NBN: variants seen among roughly 807,000 people sequenced by gnomAD.
The protein encoded by NBN is Nijmegen breakage syndrome 1 (nibrin).
NBN carries 88 observed loss-of-function variants against 90.8 expected under a neutral mutation model. The observed-to-expected ratio is 0.97, with a 90% CI of 0.82 to 1.16. The LOEUF is 1.16. NBN is among the 50% of genes most tolerant of loss of function. The probability of loss-of-function intolerance (pLI) is 0.00; values close to 1 mark genes in which losing one functional copy is unlikely to be tolerated. For missense variants in NBN, 894 were observed against 869.6 expected, an observed-to-expected ratio of 1.03 and a Z score of -0.35; for synonymous variants, 328 against 295.1, an observed-to-expected ratio of 1.11 and a Z score of -1.14.
intron 12 of NBN, chr8:89,946,646 G>A: frequency 4.1e-6 from 1 of 244,384 alleles, no homozygotes; most frequent in Non-Finnish European, 8.0e-6. Flanking sequence ...TCTCAGCACT[G>A]TTTGCTTTTC....
rs1426929002 is a variant in NBN, at chr8:89,957,657, A to G, written c.1124+1068T>C. On this transcript the variant is annotated intron_variant, in intron 9 of 15. Transcript: ENST00000265433. ...GGTAAGTGTCTTATACAGGTATACC[A>G]TTTTTTATCTTTTATACAATATTTT... is the stretch of plus-strand genomic sequence containing the variant. Among the ~76,000 whole-genome samples the G allele has an allele frequency of 5.3e-5, 8 of 152,196 alleles. No homozygotes were observed. The East Asian group carries it at 1.5e-3, about 29-fold the overall frequency.
At chr8:89,984,023 T>C (rs1479541430) in intron 1 of NBN, among the ~76,000 whole-genome samples, 1 of 152,196 alleles carries the variant, frequency 6.6e-6, no homozygotes, top group Non-Finnish European at 1.5e-5. Flanking sequence ...AAAAATCGAC[T>C]TTTCCCATTG....
At chr8:89,939,088 T>C (rs1008538325) in intron 14 of NBN, among the ~76,000 whole-genome samples, 3 of 152,196 alleles carry the variant, frequency 2.0e-5, no homozygotes, top group Non-Finnish European at 4.4e-5. Context: ...GTTCAAATAA[T>C]TTTTATGTTT....
chr8:89,959,049 A>C (rs548565846), intron 8 of NBN, among the ~76,000 whole-genome samples, 195 bp from the exon 9 acceptor site: 1 of 152,358 alleles, frequency 6.6e-6, no homozygotes, highest in South Asian at 2.1e-4. Flanking sequence ...TGACGGGCTT[A>C]TCTAAACCAA....
chr8:89,976,644 C>G (rs1481412168), intron 5 of NBN, among the ~76,000 whole-genome samples: 3 of 152,190 alleles, frequency 2.0e-5, no homozygotes, highest in African/African-American at 7.2e-5. Flanking sequence ...GCACCCTCCT[C>G]AGTGTCTGTG....
rs764745963 is a variant in NBN, at chr8:89,984,648, A to C, written c.-87T>G. ...CGCGGATACGGCGCCTGCGGTCGGCATGGGCTCCGGGACGTGCGCGCTCCC... is the reference window on the plus strand; with the variant it reads ...CGCGGATACGGCGCCTGCGGTCGGCCTGGGCTCCGGGACGTGCGCGCTCCC... On this transcript the variant is annotated 5_prime_UTR_variant, in exon 1 of 16. The change abolishes an upstream ATG in the 5' untranslated region. Coordinates refer to ENST00000265433, the MANE Select transcript of NBN (RefSeq NM_002485.5). 102 of 1,576,242 alleles carry C rather than the reference A, an allele frequency of 6.5e-5. No individual in the cohort carries two copies. The South Asian group carries it at 8.4e-4, about 13-fold the overall frequency.
At chr8:89,937,109 C>T in intron 14 of NBN, 34 bp from the exon 15 acceptor site, 1 of 1,598,730 alleles carries the variant, frequency 6.3e-7, no homozygotes, top group Admixed American at 1.7e-5. Flanking sequence ...AACATTTGCT[C>T]AGTGGTGAAT....
intron 15 of NBN, 135 bp from the exon 16 acceptor site, chr8:89,935,747 A>C: frequency 2.0e-6 from 2 of 1,019,936 alleles, no homozygotes; most frequent in Non-Finnish European, 2.9e-6. Context: ...AGGATCAGAT[A>C]CTAAGCACTG....
chr8:89,958,975 G>A, intron 8 of NBN, 121 bp from the exon 9 acceptor site: 1 of 1,318,836 alleles, frequency 7.6e-7, no homozygotes, highest in East Asian at 2.3e-5. Context: ...TACTGCACAT[G>A]GTTTTCTCCA....
At chr8:89,945,690 T>G (rs1179356824) in intron 13 of NBN, among the ~76,000 whole-genome samples, 1 of 152,186 alleles carries the variant, frequency 6.6e-6, no homozygotes, top group Non-Finnish European at 1.5e-5. Context: ...TCAGGTCTGA[T>G]GATCATACTC....
At position 89,935,401 on chromosome 8, in the gene NBN, CAG is replaced by C; in HGVS notation, c.*179_*180del. The C allele has an allele frequency of 1.5e-6, 1 of 664,330 alleles. No individual in the cohort carries two copies. The highest frequency in any genetic ancestry group is 2.0e-5 in the South Asian group (1 of 51,280). The allele number at this position is 664,330 out of a possible 1,614,324, so 41.2% of individuals were successfully genotyped here. A position where few individuals can be genotyped will look rare whatever the true frequency, so the allele number is the denominator to read the frequency against. Reference sequence around the variant, plus strand: ...AAGATGCAATGACAAAGCCTGAAAACAGAACAAACAATTGTTACATACAAAAG... The same window carrying C: ...AAGATGCAATGACAAAGCCTGAAAACAACAAACAATTGTTACATACAAAAG... On this transcript the variant is annotated 3_prime_UTR_variant, in exon 16 of 16. Coordinates refer to ENST00000265433, the MANE Select transcript of NBN (RefSeq NM_002485.5).
chr8:89,971,456 A>G (rs1811516215), intron 5 of NBN, 166 bp from the exon 6 acceptor site: 2 of 460,354 alleles, frequency 4.3e-6, no homozygotes, highest in Non-Finnish European at 5.7e-6. Flanking sequence ...AAAAGCATCT[A>G]ATCGCGTTTT....
chr8:89,933,875 T>C lies in NBN; in HGVS notation c.*1707A>G. On this transcript the variant is annotated 3_prime_UTR_variant, in exon 16 of 16. Transcript: ENST00000265433. ...ATCTAGAATGTATAAAGAATTTCTA[T>C]GACCCAATTATAGCTATCAGGGATA... is the stretch of plus-strand genomic sequence containing the variant. The C allele has an allele frequency of 4.3e-6, 1 of 232,270 alleles. No homozygotes were observed. Among genetic ancestry groups the C allele is most frequent in the Non-Finnish European group, 8.5e-6 (1 of 117,534 alleles). 14.4% of individuals were successfully genotyped at this position (232,270 alleles called of 1,614,324 possible).
At chr8:89,951,910 TGAG>T (rs963485212) in intron 11 of NBN, among the ~76,000 whole-genome samples, 1 of 152,202 alleles carries the variant, frequency 6.6e-6, no homozygotes, top group African/African-American at 2.4e-5. Flanking sequence ...TCTTCTAGAT[TGAG>T]GATAGAGAGT....
intron 7 of NBN, among the ~76,000 whole-genome samples, chr8:89,965,268 C>T (rs1018844215): frequency 6.6e-6 from 1 of 152,156 alleles, no homozygotes; most frequent in African/African-American, 2.4e-5. Flanking sequence ...TATATCTATA[C>T]ATGTGTTACA....
intron 7 of NBN, 73 bp from the exon 8 acceptor site, chr8:89,964,580 A>G: frequency 7.0e-7 from 1 of 1,427,332 alleles, no homozygotes; most frequent in Non-Finnish European, 9.7e-7. Flanking sequence ...ATGTCAAGAT[A>G]AAGCAACCTC....
At chr8:89,942,409 T>C (rs1389017571) in intron 14 of NBN, among the ~76,000 whole-genome samples, 2 of 152,158 alleles carry the variant, frequency 1.3e-5, no homozygotes, top group African/African-American at 4.8e-5. Context: ...GAAATACATC[T>C]GAACTTAATA....
chr8:89,935,258 C>A lies in NBN; in HGVS notation c.*324G>T. ...TCATGAATTTTTTTCTGAGGGGAAC[C>A]AAGTAGCTAGGACAATGGTGGAAGG... On this transcript the variant is annotated 3_prime_UTR_variant, in exon 16 of 16. Coordinates refer to ENST00000265433, the MANE Select transcript of NBN (RefSeq NM_002485.5). The A allele has an allele frequency of 6.9e-6, 2 of 289,596 alleles. No individual in the cohort carries two copies. 17.9% of individuals were successfully genotyped at this position (289,596 alleles called of 1,614,324 possible).
At chr8:89,958,947 AG>A in intron 8 of NBN, 93 bp from the exon 9 acceptor site, 1 of 1,505,194 alleles carries the variant, frequency 6.6e-7, no homozygotes, top group South Asian at 1.1e-5. Flanking sequence ...TACCATGCTG[AG>A]GGGATTAACT....
Sources: gnomAD v4.1 joint callset for allele counts (sites outside exome capture counted in the v4.1 genomes callset) on GRCh38, gnomAD v4.1.1 for gene constraint, MANE v1.5 for transcripts, NCBI Gene and HGNC (gene_info 2026-07-23, HGNC 2026-07-21) for gene names.